Variants in SLC27A4 observed in about 807,000 individuals in gnomAD.
SLC27A4 encodes long-chain fatty acid transport protein 4.
Under a neutral mutation model 64.4 loss-of-function variants are expected in SLC27A4, and 33 were observed. That is an observed-to-expected ratio of 0.51 (90% CI 0.39 to 0.68). SLC27A4 has a LOEUF of 0.68. SLC27A4 is among the 30% of genes least tolerant of loss of function. The pLI is 0.00. For missense variants in SLC27A4, 824 were observed against 883.5 expected, an observed-to-expected ratio of 0.93 and a Z score of 0.85; for synonymous variants, 377 against 370.0, an observed-to-expected ratio of 1.02 and a Z score of -0.22.
Position 128,340,643 on chromosome 9 carries a change from G to A in SLC27A4, c.-202G>A. 3.2e-6 allele frequency: 1 copy of A among 315,982 alleles called. No individual in the cohort carries two copies. The allele number at this position is 315,982 out of a possible 1,614,324, so 19.6% of individuals were successfully genotyped here. Reference sequence around the variant, plus strand: ...GTTTGGGGTGCGGGAGGCGGGCGGGGTAGGAGCGCGGCGGGCGGGGCCGGG... The same window carrying A: ...GTTTGGGGTGCGGGAGGCGGGCGGGATAGGAGCGCGGCGGGCGGGGCCGGG... On this transcript the variant is annotated 5_prime_UTR_variant, in exon 1 of 13. Transcript: ENST00000300456.
At chr9:128,359,314 C>A (rs550101111) in intron 12 of SLC27A4, among the ~76,000 whole-genome samples, 1 of 152,002 alleles carries the variant, frequency 6.6e-6, no homozygotes, top group East Asian at 1.9e-4. Context: ...CATGGCGAAA[C>A]CCCATCTCTA....
chr9:128,360,241 A>G, intron 12 of SLC27A4, 93 bp from the exon 13 acceptor site: 1 of 1,421,230 alleles, frequency 7.0e-7, no homozygotes. Context: ...TTTGTCCTCC[A>G]GCCCTGCTCC....
At chr9:128,347,547 T>C (rs1832674735) in intron 3 of SLC27A4, among the ~76,000 whole-genome samples, 1 of 151,106 alleles carries the variant, frequency 6.6e-6, no homozygotes, top group South Asian at 2.1e-4. Context: ...GCCAACATGG[T>C]GAAACCCTGT....
chr9:128,347,068 A>C (rs1210936140), intron 3 of SLC27A4, among the ~76,000 whole-genome samples: 1 of 152,110 alleles, frequency 6.6e-6, no homozygotes. Flanking sequence ...CCCTCAGTAC[A>C]ATGGTAATCA....
chr9:128,350,403 T>TG (rs757178389), intron 5 of SLC27A4, 22 bp downstream of exon 5: 1 of 1,613,320 alleles, frequency 6.2e-7, no homozygotes, highest in Admixed American at 1.7e-5. Flanking sequence ...GTGCCCAGGG[T>TG]GGGGTAGGCA....
chr9:128,346,643 A>G (rs1034280740), intron 3 of SLC27A4, among the ~76,000 whole-genome samples: 3 of 151,838 alleles, frequency 2.0e-5, no homozygotes, highest in Admixed American at 6.6e-5. Context: ...TTGAGGCTGC[A>G]GTGAGTGATG....
At position 128,360,538 on chromosome 9, in the gene SLC27A4, C is replaced by T. The variant is rs1429090998; in HGVS notation, c.*47C>T. ...CCGGCGGATGCTGGATCCGGAGCCC[C>T]AGGTTCCGCCCCAGAGCGGTCCTGG... On this transcript the variant is annotated 3_prime_UTR_variant, in exon 13 of 13. Coordinates refer to ENST00000300456, the MANE Select transcript of SLC27A4 (RefSeq NM_005094.4). 2 of 1,607,412 alleles carry T rather than the reference C, an allele frequency of 1.2e-6. No homozygotes were observed. Among genetic ancestry groups the T allele is most frequent in the East Asian group, 2.2e-5 (1 of 44,832 alleles).
intron 6 of SLC27A4, 86 bp downstream of exon 6, chr9:128,350,661 A>G (rs1832721355): frequency 7.4e-6 from 8 of 1,085,164 alleles, no homozygotes; most frequent in Non-Finnish European, 1.1e-5. Context: ...TGCAGTAGAA[A>G]CACACAGCTT....
At position 128,355,535 on chromosome 9, in the gene SLC27A4, G is replaced by T; in HGVS notation, c.1600G>T (p.Val534Leu). Residue 534 changes from valine to leucine, a missense_variant, in exon 11 of 13, where the codon GTG (valine) becomes TTG (leucine). Val to Leu is a conservative substitution (Grantham distance 32, BLOSUM62 1). Transcript: ENST00000300456. ...TLSRLLDMADVAVYGVEVPGT... is the reference protein window; with the variant it reads ...TLSRLLDMADLAVYGVEVPGT... ...CAGCCGCCTGCTGGACATGGCTGAC[G>T]TGGCCGTGTATGGTGTCGAGGTGCC... 1.9e-6 allele frequency: 3 copies of T among 1,612,236 alleles called. No individual in the cohort carries two copies. Among genetic ancestry groups the T allele is most frequent in the Non-Finnish European group, 2.5e-6 (3 of 1,180,026 alleles).
rs368169522 is a variant in SLC27A4 at position 128,353,786 on chromosome 9, C to T, written c.1324+245C>T. Among the ~76,000 whole-genome samples, 10,517 of 114,418 alleles carry T rather than the reference C, an allele frequency of 0.092. 14 individuals are homozygous for T. Among genetic ancestry groups the T allele is most frequent in the African/African-American group, 0.33 (6,428 of 19,544 alleles). 75.1% of individuals were successfully genotyped at this position (114,418 alleles called of 152,430 possible). A position where few individuals can be genotyped will look rare whatever the true frequency, so the allele number is the denominator to read the frequency against. On this transcript the variant is annotated intron_variant, in intron 9 of 12. Coordinates refer to ENST00000300456, the MANE Select transcript of SLC27A4 (RefSeq NM_005094.4). This position sits in a 1 kb window ranked among gnomAD's most constrained non-coding sequence, Gnocchi z 4.9. Reference sequence around the variant, plus strand: ...TGAGACGGAGTCTCGCTCTGTCGCCCAGGCTGGAGTGCAGTGGCGGGATCT... The same window carrying T: ...TGAGACGGAGTCTCGCTCTGTCGCCTAGGCTGGAGTGCAGTGGCGGGATCT...
Position 128,354,978 on chromosome 9 carries a change from G to A in SLC27A4, c.1325-75G>A, listed in dbSNP as rs561197370. On this transcript the variant is annotated intron_variant, in intron 9 of 12. Transcript: ENST00000300456. Reference sequence around the variant, plus strand: ...CAAAAAAAAAAAAAAAAAAAAAGACGCAGGGTACACCTGGTGACAGGACGG... The same window carrying A: ...CAAAAAAAAAAAAAAAAAAAAAGACACAGGGTACACCTGGTGACAGGACGG... The A allele has an allele frequency of 2.2e-4, 151 of 678,534 alleles. 1 individual carries two copies. The highest frequency in any genetic ancestry group is 1.2e-3 in the South Asian group (71 of 58,024). The allele number at this position is 678,534 out of a possible 1,614,324, so 42.0% of individuals were successfully genotyped here. A position where few individuals can be genotyped will look rare whatever the true frequency, so the allele number is the denominator to read the frequency against.
chr9:128,354,335 G>C (rs1352947928), intron 9 of SLC27A4, among the ~76,000 whole-genome samples: 1 of 152,140 alleles, frequency 6.6e-6, no homozygotes, highest in Admixed American at 6.6e-5. Context: ...TCTGTGTCAT[G>C]GGCGAGTATT....
chr9:128,345,455 C>G lies in SLC27A4; in HGVS notation c.462C>G (p.Ala154=). Residue 154 remains alanine (A), a synonymous_variant, in exon 3 of 13, where the codon GCC becomes GCG. Transcript: ENST00000300456. The surrounding 1 kb of genome is among the most constrained non-coding windows in gnomAD (Gnocchi z 4.1). ...LGMAKLGVEA[A]LINTNLRRDA... is the part of the protein sequence containing the mutation. ...TGGCCAAGCTCGGTGTGGAGGCAGC[C>G]CTCATCAACACCAACCTGCGGCGGG... 4 of 1,613,504 alleles carry G rather than the reference C, an allele frequency of 2.5e-6. No homozygotes were observed. Among genetic ancestry groups the G allele is most frequent in the Non-Finnish European group, 3.4e-6 (4 of 1,180,026 alleles).
rs1410314354 is a variant in SLC27A4 at position 128,345,706 on chromosome 9, G to A, written c.556+157G>A. Among the ~76,000 whole-genome samples, 1 of 152,174 alleles carries A rather than the reference G, an allele frequency of 6.6e-6. No homozygotes were observed. The highest frequency in any genetic ancestry group is 1.5e-5 in the Non-Finnish European group (1 of 68,032). Reference sequence around the variant, plus strand: ...CAGTGCCACGAGTAAACGAGATCCTGGGGAAGGGACTGATTTCTCTGAGCC... The same window carrying A: ...CAGTGCCACGAGTAAACGAGATCCTAGGGAAGGGACTGATTTCTCTGAGCC... On this transcript the variant is annotated intron_variant, in intron 3 of 12. Transcript: ENST00000300456. This position sits in a 1 kb window ranked among gnomAD's most constrained non-coding sequence, Gnocchi z 4.1.
intron 1 of SLC27A4, chr9:128,342,505 A>C: frequency 8.8e-7 from 1 of 1,139,072 alleles, no homozygotes; most frequent in South Asian, 1.3e-5. Context: ...TTCACATCAA[A>C]GAACTACTGA....
intron 6 of SLC27A4, among the ~76,000 whole-genome samples, chr9:128,351,666 T>G (rs891116933): frequency 2.0e-5 from 3 of 151,726 alleles, no homozygotes; most frequent in Non-Finnish European, 2.9e-5. Flanking sequence ...GCAGTGAGCC[T>G]AGATCGTGCC....
In SLC27A4 at chr9:128,361,049, C is replaced by CCTG; in HGVS notation, c.*558_*559insCTG. On this transcript the variant is annotated 3_prime_UTR_variant, in exon 13 of 13. Coordinates refer to ENST00000300456, the MANE Select transcript of SLC27A4 (RefSeq NM_005094.4). Reference sequence around the variant, plus strand: ...AGGAGGTCAGGACCACGCCCCTGGCCTCTCCCCACTCCCCCATCCTCCTCC... The same window carrying CCTG: ...AGGAGGTCAGGACCACGCCCCTGGCCCTGTCTCCCCACTCCCCCATCCTCCTCC... The CCTG allele has an allele frequency of 6.1e-6, 1 of 163,966 alleles. No homozygotes were observed. Among genetic ancestry groups the CCTG allele is most frequent in the South Asian group, 1.6e-4 (1 of 6,224 alleles). 10.2% of individuals were successfully genotyped at this position (163,966 alleles called of 1,614,324 possible).
At position 128,353,632 on chromosome 9, in the gene SLC27A4, G is replaced by A; in HGVS notation, c.1324+91G>A. 1.5e-6 allele frequency: 2 copies of A among 1,370,208 alleles called. No individual in the cohort carries two copies. The allele number at this position is 1,370,208 out of a possible 1,614,324, so 84.9% of individuals were successfully genotyped here. On this transcript the variant is annotated intron_variant, in intron 9 of 12. Transcript: ENST00000300456. This position sits in a 1 kb window ranked among gnomAD's most constrained non-coding sequence, Gnocchi z 4.9. ...GATGGGGAGCCTTGTTCTGACCAGT[G>A]GCCATCAGTTATCTCTGCTCTTAGG...
chr9:128,351,177 T>C (rs1318226690), intron 6 of SLC27A4, among the ~76,000 whole-genome samples: 3 of 151,882 alleles, frequency 2.0e-5, no homozygotes, highest in African/African-American at 7.3e-5. Context: ...GGCACGAGAA[T>C]TGCTTGAACC....
Sources: allele counts gnomAD v4.1 joint callset (sites outside exome capture counted in the v4.1 genomes callset), GRCh38; gene constraint gnomAD v4.1.1; non-coding constraint Gnocchi (gnomAD v3.1); transcripts MANE v1.5; gene names NCBI Gene and HGNC (gene_info 2026-07-23, HGNC 2026-07-21).